The following NPFFR2 variants were observed in gnomAD, a reference collection of about 807,000 sequenced individuals.
The protein encoded by NPFFR2 is neuropeptide FF receptor 2.
Under a neutral mutation model 13.1 loss-of-function variants are expected in NPFFR2, and 15 were observed. The observed-to-expected ratio is 1.15, with a 90% CI of 0.77 to 1.76. NPFFR2 has a LOEUF of 1.76. Ranked by LOEUF, NPFFR2 falls within the 40% of genes most tolerant of loss-of-function variation. The probability of loss-of-function intolerance (pLI) is 0.00; values close to 1 mark genes in which losing one functional copy is unlikely to be tolerated. For synonymous variants in NPFFR2, 190 were observed against 175.7 expected, an observed-to-expected ratio of 1.08 and a Z score of -0.65; for missense variants, 572 against 503.5, an observed-to-expected ratio of 1.14 and a Z score of -1.30.
chr4:72,093,870 T>C (rs2109803974), intron 1 of NPFFR2, among the ~76,000 whole-genome samples: 1 of 152,030 alleles, frequency 6.6e-6, no homozygotes, highest in African/African-American at 2.4e-5. Flanking sequence ...TTTGGATCCA[T>C]TGCTGGTAAG....
intron 1 of NPFFR2, among the ~76,000 whole-genome samples, chr4:72,112,050 T>A (rs371704417): frequency 1.7e-4 from 26 of 152,078 alleles, no homozygotes; most frequent in African/African-American, 6.3e-4. Flanking sequence ...AAAAGGCCTA[T>A]GATTGCTTGT....
intron 2 of NPFFR2, among the ~76,000 whole-genome samples, chr4:72,132,342 TGGCTACATA>T (rs1295457480): frequency 5.2e-5 from 8 of 152,388 alleles, no homozygotes; most frequent in African/African-American, 1.4e-4. Context: ...TTCTTTCTTA[TGGCTACATA>T]GTATTCCATG....
chr4:72,109,031 T>C (rs13107347), intron 1 of NPFFR2, among the ~76,000 whole-genome samples: 48,353 of 151,868 alleles, frequency 0.32, 8,104 homozygotes, highest in East Asian at 0.49. Context: ...GTAGCTATGA[T>C]AGAGAGATTG....
At position 72,147,865 on chromosome 4, in the gene NPFFR2, A is replaced by G. The variant is rs773109812; in HGVS notation, c.*53A>G. On this transcript the variant is annotated 3_prime_UTR_variant, in exon 4 of 4. Coordinates refer to ENST00000308744, the MANE Select transcript of NPFFR2 (RefSeq NM_004885.3). ...TACTACGCATTATATATTTAAATCCATTGCTTTTTGTGGCTTTGCACTTCA... is the reference window on the plus strand; with the variant it reads ...TACTACGCATTATATATTTAAATCCGTTGCTTTTTGTGGCTTTGCACTTCA... 2 of 1,310,246 alleles carry G rather than the reference A, an allele frequency of 1.5e-6. No homozygotes were observed. Among genetic ancestry groups the G allele is most frequent in the Non-Finnish European group, 2.0e-6 (2 of 976,860 alleles). The allele number at this position is 1,310,246 out of a possible 1,614,324, so 81.2% of individuals were successfully genotyped here.
At chr4:72,079,015 T>A (rs1407201513) in intron 1 of NPFFR2, among the ~76,000 whole-genome samples, 2 of 151,128 alleles carry the variant, frequency 1.3e-5, no homozygotes, top group African/African-American at 4.9e-5. Context: ...GTAGTCATGG[T>A]CAAAGAATCT....
At chr4:72,135,062 G>C (rs1722367295) in intron 2 of NPFFR2, among the ~76,000 whole-genome samples, 1 of 152,008 alleles carries the variant, frequency 6.6e-6, no homozygotes, top group African/African-American at 2.4e-5. Flanking sequence ...AATTTCTTCT[G>C]TCAGAATTTC....
At chr4:72,125,024 C>G (rs1721995804) in intron 1 of NPFFR2, among the ~76,000 whole-genome samples, 1 of 152,158 alleles carries the variant, frequency 6.6e-6, no homozygotes, top group African/African-American at 2.4e-5. Context: ...ATCTATCCAT[C>G]TATCCATCTG....
chr4:72,047,239 A>G (rs1719405530), intron 1 of NPFFR2, among the ~76,000 whole-genome samples: 1 of 152,180 alleles, frequency 6.6e-6, no homozygotes, highest in Non-Finnish European at 1.5e-5. Flanking sequence ...GACAATTGCC[A>G]AAGAGATTAA....
At chr4:72,069,113 C>A in intron 1 of NPFFR2, 1 of 460,714 alleles carries the variant, frequency 2.2e-6, no homozygotes, top group Non-Finnish European at 3.9e-6. Flanking sequence ...ATAAGAATAG[C>A]ATAACAGTAA....
intron 2 of NPFFR2, among the ~76,000 whole-genome samples, chr4:72,134,034 G>T (rs533273081): frequency 6.6e-6 from 1 of 152,242 alleles, no homozygotes; most frequent in South Asian, 2.1e-4. Flanking sequence ...GGAGGCCAAG[G>T]CAGACAGATC....
At chr4:72,140,626 A>G (rs1365276826) in intron 3 of NPFFR2, among the ~76,000 whole-genome samples, 1 of 152,152 alleles carries the variant, frequency 6.6e-6, no homozygotes, top group Non-Finnish European at 1.5e-5. Flanking sequence ...ATCATGGTGG[A>G]TAAGTTTTTT....
At chr4:72,051,161 A>G (rs2109765124) in intron 1 of NPFFR2, among the ~76,000 whole-genome samples, 1 of 151,824 alleles carries the variant, frequency 6.6e-6, no homozygotes, top group East Asian at 2.0e-4. Flanking sequence ...TGGTATTTCT[A>G]GTTCTAGATC....
intron 1 of NPFFR2, among the ~76,000 whole-genome samples, chr4:72,065,380 C>T (rs1349588336): frequency 1.3e-5 from 2 of 151,882 alleles, no homozygotes; most frequent in African/African-American, 2.4e-5. Context: ...AGAAGAAAAA[C>T]ATATCAAGAA....
intron 1 of NPFFR2, among the ~76,000 whole-genome samples, chr4:72,042,318 T>A (rs1719243922): frequency 6.6e-6 from 1 of 152,224 alleles, no homozygotes; most frequent in Admixed American, 6.5e-5. Context: ...CAATTAAACC[T>A]GTTTCCTTTA....
intron 1 of NPFFR2, among the ~76,000 whole-genome samples, chr4:72,074,708 C>A (rs1720374575): frequency 6.6e-6 from 1 of 152,030 alleles, no homozygotes; most frequent in African/African-American, 2.4e-5. Flanking sequence ...ATGAATTAAA[C>A]CTTCCCATCA....
Position 72,032,034 on chromosome 4 carries a change from A to T in NPFFR2, c.-174A>T, listed in dbSNP as rs372016830. 1.1e-5 allele frequency: 18 copies of T among 1,613,832 alleles called. No individual in the cohort carries two copies. Among genetic ancestry groups the T allele is most frequent in the East Asian group, 2.2e-5 (1 of 44,878 alleles). On this transcript the variant is annotated 5_prime_UTR_variant, in exon 1 of 4. Transcript: ENST00000308744. The stretch of plus-strand genomic sequence containing the variant: ...CCAGCAGCGCGGCGGGCCAGCCTGG[A>T]GCGGAAGCCTGGAGTGGAGCAGGCA...
intron 1 of NPFFR2, among the ~76,000 whole-genome samples, chr4:72,084,374 G>A (rs1468536270): frequency 6.6e-6 from 1 of 152,126 alleles, no homozygotes; most frequent in Admixed American, 6.6e-5. Context: ...GTAGATATGT[G>A]AAACTTTGGA....
At chr4:72,133,200 G>A (rs1488777046) in intron 2 of NPFFR2, among the ~76,000 whole-genome samples, 1 of 152,088 alleles carries the variant, frequency 6.6e-6, no homozygotes, top group East Asian at 1.9e-4. Context: ...AAGGGGTGTG[G>A]TTTCAATCTT....
At chr4:72,071,261 A>G (rs1295734095) in intron 1 of NPFFR2, among the ~76,000 whole-genome samples, 1 of 152,136 alleles carries the variant, frequency 6.6e-6, no homozygotes, top group Non-Finnish European at 1.5e-5. Context: ...GGTAAATATC[A>G]CCTAGCTGAG....
Sources: gnomAD v4.1 joint callset for allele counts (sites outside exome capture counted in the v4.1 genomes callset) on GRCh38, gnomAD v4.1.1 for gene constraint, MANE v1.5 for transcripts, NCBI Gene and HGNC (gene_info 2026-07-23, HGNC 2026-07-21) for gene names.